Variants in TNK1 observed in about 807,000 individuals in gnomAD.
TNK1 encodes non-receptor tyrosine-protein kinase TNK1.
In TNK1, 53 loss-of-function variants were observed where a neutral mutation model predicts 65.2. That is an observed-to-expected ratio of 0.81 (90% confidence interval 0.65 to 1.02). The LOEUF is 1.02. Among genes scored for constraint, TNK1 ranks in the 50% least tolerant of loss-of-function variants. The probability of loss-of-function intolerance (pLI) is 0.00; values close to 1 mark genes in which losing one functional copy is unlikely to be tolerated. For missense variants in TNK1, 837 were observed against 878.4 expected (o/e 0.95, Z 0.60); for synonymous variants, 353 against 364.6 (o/e 0.97, Z 0.36).
chr17:7,380,669 C>T (rs1317130489), upstream of TNK1: 1 of 152,336 alleles, frequency 6.6e-6, no homozygotes, highest in East Asian at 1.9e-4. Flanking sequence ...TGCCATGGGG[C>T]AGGAACTGTG....
chr17:7,384,574 G>T lies in TNK1; in HGVS notation c.957G>T (p.Gly319=). The T allele has an allele frequency of 6.2e-7, 1 of 1,612,010 alleles. No homozygotes were observed. The highest frequency in any genetic ancestry group is 8.5e-7 in the Non-Finnish European group (1 of 1,179,036). Residue 319 remains glycine, a synonymous_variant, in exon 7 of 13, where the codon GGG becomes GGT. Coordinates refer to ENST00000688331, the MANE Select transcript of TNK1 (RefSeq NM_003985.6). ...FGVTLWEMFS[G]GEEPWAGVPP... is the part of the protein sequence containing the mutation. ...TGACGCTGTGGGAGATGTTCTCCGG[G>T]GGCGAGGAACCCTGGGCCGGGGTCC...
upstream of TNK1, chr17:7,380,589 C>T (rs1192616068): frequency 1.3e-5 from 2 of 152,312 alleles, no homozygotes; most frequent in Non-Finnish European, 2.9e-5. Context: ...GTACCAGCAT[C>T]AACATCTCTC....
chr17:7,387,239 C>T, intron 9 of TNK1, 85 bp downstream of exon 9: 1 of 1,511,294 alleles, frequency 6.6e-7, no homozygotes, highest in Non-Finnish European at 8.9e-7. Flanking sequence ...AGCCTGGGGA[C>T]AGGACCAGAG....
rs749579637 is a variant in TNK1 at position 7,386,543 on chromosome 17, T to C, written c.1138-18T>C. On this transcript the variant is annotated intron_variant, in intron 7 of 12. Transcript: ENST00000688331. Reference sequence around the variant, plus strand: ...CTCAGGCCACAAGCCCAGCCACCCTTTCCTCTTGTCTCCACAGGCCGGGCC... The same window carrying C: ...CTCAGGCCACAAGCCCAGCCACCCTCTCCTCTTGTCTCCACAGGCCGGGCC... 8 of 1,585,388 alleles carry C rather than the reference T, an allele frequency of 5.0e-6. No individual in the cohort carries two copies. Among genetic ancestry groups the C allele is most frequent in the African/African-American group, 1.3e-5 (1 of 74,334 alleles).
At chr17:7,385,511 C>T (rs146741815) in intron 7 of TNK1, among the ~76,000 whole-genome samples, 64 of 152,210 alleles carry the variant, frequency 4.2e-4, no homozygotes, top group African/African-American at 1.3e-3. Flanking sequence ...TTTACATGGG[C>T]GCTTATGCAG....
chr17:7,385,089 G>A (rs1406688035), intron 7 of TNK1, among the ~76,000 whole-genome samples: 1 of 152,190 alleles, frequency 6.6e-6, no homozygotes, highest in Admixed American at 6.5e-5. Context: ...CGCAGGCCGG[G>A]CGCGGTGGCT....
chr17:7,387,601 C>CTTT, intron 10 of TNK1, 144 bp downstream of exon 10: 3 of 510,988 alleles, frequency 5.9e-6, no homozygotes, highest in South Asian at 3.3e-5. Context: ...ACTGTGCAAT[C>CTTT]TATTTTTTTT....
Position 7,383,987 on chromosome 17 carries a change from A to G in TNK1, c.600A>G (p.Pro200=). ...TCCTGCAGGTGATGGAGCTGGCGCC[A>G]CTGGGCTCCCTGCACGCGCGCCTAA... ...QPLQMVMELA[P]LGSLHARLTA... is the part of the protein sequence containing the mutation. The change falls in exon 6 of 13, where the codon CCA becomes CCG. Residue 200 remains proline (P), a synonymous_variant. Coordinates refer to ENST00000688331, the MANE Select transcript of TNK1 (RefSeq NM_003985.6). 2.0e-6 allele frequency: 3 copies of G among 1,497,064 alleles called. No individual in the cohort carries two copies. The highest frequency in any genetic ancestry group is 2.7e-6 in the Non-Finnish European group (3 of 1,125,758). 92.7% of individuals were successfully genotyped at this position (1,497,064 alleles called of 1,614,324 possible). A position where few individuals can be genotyped will look rare whatever the true frequency, so the allele number is the denominator to read the frequency against.
intron 7 of TNK1, among the ~76,000 whole-genome samples, chr17:7,385,229 G>A (rs1193323685): frequency 3.3e-5 from 5 of 152,126 alleles, no homozygotes; most frequent in Admixed American, 1.3e-4. Context: ...GCTGGGTCTG[G>A]TGGTGCATGC....
At position 7,383,427 on chromosome 17, in the gene TNK1, C is replaced by A. The variant is rs1252759140; in HGVS notation, c.237C>A (p.Ile79=). Residue 79 remains isoleucine, a splice_region_variant and synonymous_variant, in exon 4 of 13, where the codon ATC becomes ATA. Coordinates refer to ENST00000688331, the MANE Select transcript of TNK1 (RefSeq NM_003985.6). ...CGGATTTCCCATCCCTGTTTCAGAT[C>A]CTTGGAGGTTTTGCCCCTGAGCACA... The part of the protein sequence containing the change: ...GPKSKNWVYK[I]LGGFAPEHKE... 2 of 1,613,962 alleles carry A rather than the reference C, an allele frequency of 1.2e-6. No homozygotes were observed. The highest frequency in any genetic ancestry group is 1.1e-5 in the South Asian group (1 of 91,088).
Position 7,383,580 on chromosome 17 carries a change from G to T in TNK1, c.390G>T (p.Val130=). The change falls in exon 4 of 13, where the codon GTG becomes GTT. Residue 130 remains valine (V), a synonymous_variant. Transcript: ENST00000688331. ...ELLGSGCFGV[V]HRGLWTLPSG... ...TGGGTTCAGGCTGCTTCGGTGTGGTGCACCGAGGGCTGTGGACGCTGCCCA... is the reference window on the plus strand; with the variant it reads ...TGGGTTCAGGCTGCTTCGGTGTGGTTCACCGAGGGCTGTGGACGCTGCCCA... The T allele has an allele frequency of 6.2e-7, 1 of 1,609,736 alleles. No homozygotes were observed. Among genetic ancestry groups the T allele is most frequent in the Non-Finnish European group, 8.5e-7 (1 of 1,177,436 alleles).
chr17:7,386,585 G>A lies in TNK1; in HGVS notation c.1162G>A (p.Val388Met). 2.5e-6 allele frequency: 4 copies of A among 1,605,090 alleles called. No individual in the cohort carries two copies. Among genetic ancestry groups the A allele is most frequent in the South Asian group, 1.1e-5 (1 of 89,024 alleles). ...QEAGPSEACC[V>M]RDVTEPGALR... ...GGCCGGGCCTTCGGAAGCATGTTGT[G>A]TGAGGGATGTCACAGAACCAGGCGC... Residue 388 changes from valine (V) to methionine (M), a missense_variant, in exon 8 of 13, where the codon GTG (valine) becomes ATG (methionine). Transcript: ENST00000688331.
chr17:7,387,263 T>C, intron 9 of TNK1, 109 bp downstream of exon 9: 1 of 1,504,166 alleles, frequency 6.6e-7, no homozygotes. Context: ...AGCTGCAGCC[T>C]CCACCCTGGG....
rs767680748 is a variant in TNK1 at position 7,383,002 on chromosome 17, A to G, written c.76A>G (p.Ile26Val). The G allele has an allele frequency of 2.4e-5, 39 of 1,613,864 alleles. No homozygotes were observed. In the South Asian group the frequency reaches 4.3e-4, roughly 18 times the overall value. The change falls in exon 2 of 13, where the codon ATC (isoleucine) becomes GTC (valine). Residue 26 changes from isoleucine (I) to valine (V), a missense_variant. Ile to Val is a conservative substitution (Grantham distance 29). Coordinates refer to ENST00000688331, the MANE Select transcript of TNK1 (RefSeq NM_003985.6). ...DIQLAQFYWP[I>V]LEELNVTRPE... ...CCAGTTGGCCCAGTTTTACTGGCCC[A>G]TCCTTGAGGAGCTTAATGTCACTCG...
chr17:7,386,210 G>C (rs2143135139), intron 7 of TNK1, among the ~76,000 whole-genome samples: 1 of 152,322 alleles, frequency 6.6e-6, no homozygotes, highest in South Asian at 2.1e-4. Context: ...AAGAGGTCTG[G>C]ATGAGGGTAG....
rs775678205 is a variant in TNK1 at position 7,388,374 on chromosome 17, G to A, written c.1478-32G>A. On this transcript the variant is annotated intron_variant, in intron 10 of 12. Transcript: ENST00000688331. This position sits in a 1 kb window ranked among gnomAD's most constrained non-coding sequence, Gnocchi z 4.5. ...CGGGAGGCGGAGGCTGCAGCCAGCC[G>A]AGTTCAAGTTGTTTCCTTCTCAACT... 5.1e-6 allele frequency: 8 copies of A among 1,557,410 alleles called. No homozygotes were observed. Among genetic ancestry groups the A allele is most frequent in the South Asian group, 1.2e-5 (1 of 82,326 alleles).
intron 10 of TNK1, among the ~76,000 whole-genome samples, 196 bp downstream of exon 10, chr17:7,387,653 G>GGA (rs1905256624): frequency 6.8e-6 from 1 of 148,042 alleles, no homozygotes; most frequent in Admixed American, 6.8e-5. Context: ...TGCCCAGGCT[G>GGA]GAGTGCAGTA....
chr17:7,385,709 C>T (rs140765062), intron 7 of TNK1, among the ~76,000 whole-genome samples: 4,565 of 152,158 alleles, frequency 0.03, 104 homozygotes, highest in Middle Eastern at 0.075. Context: ...GGATTACAGG[C>T]GCCTGCCACC....
rs773495087 is a variant in TNK1 at position 7,384,693 on chromosome 17, G to T, written c.1076G>T (p.Cys359Phe). Residue 359 changes from cysteine (C) to phenylalanine (F), a missense_variant, in exon 7 of 13, where the codon TGC becomes TTC. Cys to Phe is a radical substitution (Grantham distance 205, BLOSUM62 -2). Coordinates refer to ENST00000688331, the MANE Select transcript of TNK1 (RefSeq NM_003985.6). The part of the protein sequence containing the change: ...SRALYSLALR[C>F]WAPHPADRPS... ...GCCCTCTACTCCCTCGCCTTGCGCT[G>T]CTGGGCCCCCCACCCTGCCGACCGG... 1.3e-6 allele frequency: 2 copies of T among 1,594,258 alleles called. No individual in the cohort carries two copies. Among genetic ancestry groups the T allele is most frequent in the Non-Finnish European group, 1.7e-6 (2 of 1,172,566 alleles).
Sources: gnomAD v4.1 joint callset for allele counts (sites outside exome capture counted in the v4.1 genomes callset) on GRCh38, gnomAD v4.1.1 for gene constraint, Gnocchi (gnomAD v3.1) non-coding constraint, MANE v1.5 for transcripts, NCBI Gene and HGNC (gene_info 2026-07-23, HGNC 2026-07-21) for gene names.